The following CCDC141 variants were observed in gnomAD, a reference collection of about 807,000 sequenced individuals.
The protein encoded by CCDC141 is coiled-coil domain containing 141, also known as coiled-coil domain-containing protein 141.
Under a neutral mutation model 181.0 loss-of-function variants are expected in CCDC141, and 168 were observed. The observed-to-expected ratio is 0.93, with a 90% CI of 0.82 to 1.05. CCDC141 has a LOEUF of 1.05. Ranked by LOEUF, CCDC141 falls within the 50% of genes least tolerant of loss-of-function variation. The pLI, the probability that CCDC141 is intolerant of heterozygous loss-of-function variation, is 0.00. For synonymous variants in CCDC141, 666 were observed against 642.3 expected (o/e 1.04, Z -0.56); for missense variants, 1,902 against 1,788.5 (o/e 1.06, Z -1.14).
chr2:178,844,739 T>C (rs1162659496), intron 22 of CCDC141, among the ~76,000 whole-genome samples: 2 of 152,198 alleles, frequency 1.3e-5, no homozygotes, highest in African/African-American at 4.8e-5. Flanking sequence ...ACAAAATAAC[T>C]GTTACAAATG....
chr2:178,905,598 T>A, intron 7 of CCDC141, 97 bp from the exon 8 acceptor site: 1 of 1,096,912 alleles, frequency 9.1e-7, no homozygotes, highest in Non-Finnish European at 1.2e-6. Context: ...GGCCAAACAA[T>A]TTGTTAGTTT....
chr2:178,967,594 T>A lies in CCDC141; in HGVS notation c.527-6111A>T, dbSNP rs188474321. On this transcript the variant is annotated intron_variant, in intron 4 of 23. Coordinates refer to ENST00000443758, the MANE Select transcript of CCDC141 (RefSeq NM_173648.4). ...TTACAAGAGCTCCTGAAGGAAGCAC[T>A]AAACATGGAAAGGAACAACTTGTAC... is the stretch of plus-strand genomic sequence containing the variant. Among the ~76,000 whole-genome samples the A allele has an allele frequency of 5.1e-3, 771 of 152,214 alleles. 6 individuals are homozygous for A. The highest frequency in any genetic ancestry group is 0.018 in the African/African-American group (746 of 41,512).
At chr2:178,932,101 T>C (rs1689122750) in intron 6 of CCDC141, among the ~76,000 whole-genome samples, 4 of 152,126 alleles carry the variant, frequency 2.6e-5, no homozygotes, top group South Asian at 2.1e-4. Flanking sequence ...AGAGCCTGAA[T>C]AAGCCATGAT....
At chr2:179,033,487 G>A (rs963984525) in intron 2 of CCDC141, among the ~76,000 whole-genome samples, 2 of 152,078 alleles carry the variant, frequency 1.3e-5, no homozygotes, top group African/African-American at 4.8e-5. Context: ...CTTTTCTAGA[G>A]TAGAAAGATC....
intron 22 of CCDC141, among the ~76,000 whole-genome samples, chr2:178,839,377 C>T (rs1176939903): frequency 6.7e-6 from 1 of 150,110 alleles, no homozygotes; most frequent in Non-Finnish European, 1.5e-5. Flanking sequence ...TGCACCACTG[C>T]ACTCCATCCT....
chr2:178,834,145 A>G lies in CCDC141; in HGVS notation c.*28T>C, dbSNP rs757410634. 1.8e-4 allele frequency: 275 copies of G among 1,527,864 alleles called. No individual in the cohort carries two copies. The highest frequency in any genetic ancestry group is 4.3e-4 in the Admixed American group (22 of 50,860). 94.6% of individuals were successfully genotyped at this position (1,527,864 alleles called of 1,614,324 possible). On this transcript the variant is annotated 3_prime_UTR_variant, in exon 24 of 24. Transcript: ENST00000443758. ...GGCACTTTTCTTTAGGCACATGAGA[A>G]TGATGTCCATTGGTGCCAACACCAC... is the stretch of plus-strand genomic sequence containing the variant.
At chr2:178,966,111 C>A (rs1690618832) in intron 4 of CCDC141, among the ~76,000 whole-genome samples, 2 of 152,296 alleles carry the variant, frequency 1.3e-5, no homozygotes, top group South Asian at 4.1e-4. Flanking sequence ...AAGGCAGCCG[C>A]CCCAGTCAGG....
chr2:178,865,891 T>C lies in CCDC141; in HGVS notation c.2600A>G (p.Asn867Ser), dbSNP rs555092490. The C allele has an allele frequency of 1.1e-4, 174 of 1,594,250 alleles. 1 individual carries two copies. Among genetic ancestry groups the C allele is most frequent in the Non-Finnish European group, 1.3e-4 (147 of 1,170,728 alleles). The change falls in exon 17 of 24, where the codon AAC becomes AGC. Residue 867 changes from asparagine (N) to serine (S), a missense_variant. By Grantham distance (46) the Asn-to-Ser change is conservative (BLOSUM62 1). Transcript: ENST00000443758. ...AAGGAGCTCCAGCTGCTGCTGTAGG[T>C]TCTTTGCAGAAACATTAGAGCAGTG... ...RPHCSNVSAK[N>S]LQQQLELLEE...
At chr2:179,003,877 G>A (rs1318215571) in intron 2 of CCDC141, among the ~76,000 whole-genome samples, 2 of 151,862 alleles carry the variant, frequency 1.3e-5, no homozygotes, top group Non-Finnish European at 2.9e-5. Flanking sequence ...TTTTTTTTCA[G>A]AATAAAAACG....
At chr2:179,045,521 G>T (rs190137598) in intron 2 of CCDC141, among the ~76,000 whole-genome samples, 2 of 152,084 alleles carry the variant, frequency 1.3e-5, no homozygotes, top group African/African-American at 4.8e-5. Context: ...CTTTGGGTAT[G>T]TACCCAGTAA....
At chr2:179,033,583 A>G (rs1272928897) in intron 2 of CCDC141, among the ~76,000 whole-genome samples, 1 of 152,090 alleles carries the variant, frequency 6.6e-6, no homozygotes, top group Non-Finnish European at 1.5e-5. Flanking sequence ...GGAGTAGGGG[A>G]TGGATGGATT....
At chr2:178,958,545 G>A (rs917316590) in intron 5 of CCDC141, among the ~76,000 whole-genome samples, 14 of 152,196 alleles carry the variant, frequency 9.2e-5, no homozygotes, top group African/African-American at 3.1e-4. Context: ...GACCCCGTAA[G>A]TTAGAGAACT....
At chr2:178,949,036 AT>A (rs1422950555) in intron 5 of CCDC141, among the ~76,000 whole-genome samples, 5 of 151,938 alleles carry the variant, frequency 3.3e-5, no homozygotes, top group African/African-American at 1.2e-4. Flanking sequence ...TCCTTCCCAC[AT>A]TTTTTTTATT....
chr2:178,925,841 CT>C (rs1348238014), intron 6 of CCDC141, among the ~76,000 whole-genome samples: 1 of 151,988 alleles, frequency 6.6e-6, no homozygotes, highest in Non-Finnish European at 1.5e-5. Flanking sequence ...GGAGGACTTA[CT>C]TTTTCATTGT....
intron 12 of CCDC141, chr2:178,873,653 A>T (rs1686221145): frequency 6.6e-6 from 1 of 152,210 alleles, no homozygotes; most frequent in Non-Finnish European, 1.5e-5. Context: ...AGGATCTGTG[A>T]AAAGTGATCA....
chr2:178,851,404 T>C (rs1205096086), intron 20 of CCDC141, among the ~76,000 whole-genome samples: 1 of 152,056 alleles, frequency 6.6e-6, no homozygotes, highest in East Asian at 1.9e-4. Context: ...AATGTAACTG[T>C]ATTTGGAAAT....
chr2:178,933,124 T>C (rs1289528160), intron 6 of CCDC141, among the ~76,000 whole-genome samples: 2 of 152,224 alleles, frequency 1.3e-5, no homozygotes, highest in South Asian at 2.1e-4. Flanking sequence ...TTGTGGAAGA[T>C]GGTTTTAATC....
intron 2 of CCDC141, among the ~76,000 whole-genome samples, chr2:179,025,868 T>A (rs1451470392): frequency 6.6e-6 from 1 of 152,102 alleles, no homozygotes; most frequent in Non-Finnish European, 1.5e-5. Flanking sequence ...AAATGAGAAC[T>A]TATTGTGTTT....
rs746440805 is a variant in CCDC141 at position 178,837,747 on chromosome 2, T to A, written c.3475-3A>T. 6.3e-7 allele frequency: 1 copy of A among 1,582,442 alleles called. No homozygotes were observed. ...AGATCTGCCACCTGCACCTGCCCCT[T>A]GAAAAAAGAAAAGCCAAATCATCCT... On this transcript the variant is annotated splice_polypyrimidine_tract_variant and splice_region_variant and intron_variant, in intron 22 of 23. Coordinates refer to ENST00000443758, the MANE Select transcript of CCDC141 (RefSeq NM_173648.4).
Sources: gnomAD v4.1 joint callset for allele counts (sites outside exome capture counted in the v4.1 genomes callset) on GRCh38, gnomAD v4.1.1 for gene constraint, MANE v1.5 for transcripts, NCBI Gene and HGNC (gene_info 2026-07-23, HGNC 2026-07-21) for gene names.